Variants in PLXDC2 observed in about 807,000 individuals in gnomAD.
PLXDC2 encodes plexin domain containing 2, also known as plexin domain-containing protein 2.
In PLXDC2, 40 loss-of-function variants were observed where a neutral mutation model predicts 68.9. The ratio of observed to expected loss-of-function variants is 0.58; its 90% CI spans 0.45 to 0.76. The LOEUF is 0.76. PLXDC2 is among the 30% of genes least tolerant of loss of function. PLXDC2 has a pLI of 0.00. For synonymous variants in PLXDC2, 243 were observed against 234.2 expected, an observed-to-expected ratio of 1.04 and a Z score of -0.34; for missense variants, 644 against 661.9, an observed-to-expected ratio of 0.97 and a Z score of 0.30.
chr10:20,031,862 G>A (rs538798119), intron 2 of PLXDC2, among the ~76,000 whole-genome samples: 1 of 151,844 alleles, frequency 6.6e-6, no homozygotes, highest in Non-Finnish European at 1.5e-5. Flanking sequence ...GTCTCACTCT[G>A]TCACTCATGC....
chr10:20,051,082 G>A (rs1455253793), intron 3 of PLXDC2, among the ~76,000 whole-genome samples: 3 of 152,036 alleles, frequency 2.0e-5, no homozygotes, highest in African/African-American at 7.2e-5. Context: ...CATGTCTTTT[G>A]TGGGAACATG....
chr10:20,145,913 T>C (rs1834071009), intron 5 of PLXDC2, among the ~76,000 whole-genome samples: 1 of 152,152 alleles, frequency 6.6e-6, no homozygotes, highest in African/African-American at 2.4e-5. Context: ...TCCTCAGAAT[T>C]GGCATTAAAA....
At chr10:20,014,355 TTTCCTTCC>T (rs1176511314) in intron 2 of PLXDC2, among the ~76,000 whole-genome samples, 12 of 105,566 alleles carry the variant, frequency 1.1e-4, no homozygotes, top group African/African-American at 3.0e-4. Flanking sequence ...CCTCCTTCCC[TTTCCTTCC>T]TTCCTTCCTT....
At chr10:19,976,164 T>A in intron 1 of PLXDC2, among the ~76,000 whole-genome samples, 1 of 152,152 alleles carries the variant, frequency 6.6e-6, no homozygotes, top group East Asian at 1.9e-4. Flanking sequence ...CTAGTTTTCC[T>A]GTGTTATTGT....
chr10:20,222,405 G>GT (rs1253135992), intron 12 of PLXDC2, among the ~76,000 whole-genome samples: 1 of 152,210 alleles, frequency 6.6e-6, no homozygotes, highest in Admixed American at 6.5e-5. Context: ...AGGACCCAGA[G>GT]TTACAATCTG....
At chr10:20,199,862 G>C (rs777369819) in intron 9 of PLXDC2, among the ~76,000 whole-genome samples, 3 of 151,932 alleles carry the variant, frequency 2.0e-5, no homozygotes, top group Non-Finnish European at 2.9e-5. Flanking sequence ...TTATTCAACA[G>C]AGGATTCTGA....
intron 3 of PLXDC2, among the ~76,000 whole-genome samples, chr10:20,059,010 C>T (rs1313315976): frequency 6.6e-6 from 1 of 152,146 alleles, no homozygotes; most frequent in African/African-American, 2.4e-5. Flanking sequence ...AAGTGGGGCT[C>T]AGGAGGCAGT....
At chr10:19,829,242 T>C (rs1439488935) in intron 1 of PLXDC2, among the ~76,000 whole-genome samples, 1 of 146,542 alleles carries the variant, frequency 6.8e-6, no homozygotes, top group Non-Finnish European at 1.5e-5. Context: ...TGATCATCAA[T>C]AGTAATTACT....
chr10:20,147,145 A>G (rs1311365368), intron 5 of PLXDC2, among the ~76,000 whole-genome samples: 1 of 152,168 alleles, frequency 6.6e-6, no homozygotes, highest in Non-Finnish European at 1.5e-5. Context: ...GTGATTCAGA[A>G]TATAATATAC....
intron 1 of PLXDC2, among the ~76,000 whole-genome samples, chr10:19,827,048 G>A (rs1836586198): frequency 1.3e-5 from 2 of 152,200 alleles, no homozygotes; most frequent in South Asian, 4.1e-4. Context: ...TCTTGTGAAT[G>A]TGAGGGTAGG....
At chr10:19,819,599 A>G (rs968404679) in intron 1 of PLXDC2, among the ~76,000 whole-genome samples, 3 of 152,224 alleles carry the variant, frequency 2.0e-5, no homozygotes, top group Non-Finnish European at 2.9e-5. Flanking sequence ...ATTATGCGTT[A>G]CTTTAGTAAA....
At chr10:20,205,623 T>C (rs933798790) in intron 9 of PLXDC2, among the ~76,000 whole-genome samples, 1 of 152,100 alleles carries the variant, frequency 6.6e-6, no homozygotes, top group African/African-American at 2.4e-5. Flanking sequence ...GTCTATGAAG[T>C]GAAAACCTCA....
At position 20,211,657 on chromosome 10, in the gene PLXDC2, T is replaced by C; in HGVS notation, c.1062-12T>C. 6.2e-7 allele frequency: 1 copy of C among 1,612,906 alleles called. No individual in the cohort carries two copies. Among genetic ancestry groups the C allele is most frequent in the Non-Finnish European group, 8.5e-7 (1 of 1,179,226 alleles). Reference sequence around the variant, plus strand: ...CTTCCTTTTCTGAACTGCATTGTGGTCTTCTTTGAAGATGTTCCAGTGGAT... The same window carrying C: ...CTTCCTTTTCTGAACTGCATTGTGGCCTTCTTTGAAGATGTTCCAGTGGAT... On this transcript the variant is annotated splice_polypyrimidine_tract_variant and intron_variant, in intron 9 of 13. Coordinates refer to ENST00000377252, the MANE Select transcript of PLXDC2 (RefSeq NM_032812.9).
chr10:20,036,836 T>C (rs61320204), intron 2 of PLXDC2, among the ~76,000 whole-genome samples: 2,690 of 152,302 alleles, frequency 0.018, 75 homozygotes, highest in African/African-American at 0.061. Context: ...TCAACACATT[T>C]GTGAATTTCG....
chr10:20,196,926 C>T (rs555393633), intron 9 of PLXDC2, among the ~76,000 whole-genome samples: 12 of 152,152 alleles, frequency 7.9e-5, no homozygotes, highest in Non-Finnish European at 1.3e-4. Flanking sequence ...TGTTAATTCA[C>T]GGCTAGAGGC....
chr10:20,033,091 G>A (rs1256356259), intron 2 of PLXDC2, among the ~76,000 whole-genome samples: 10 of 151,112 alleles, frequency 6.6e-5, no homozygotes. Context: ...TAAATGATGA[G>A]TTAATGGGTG....
chr10:20,104,495 T>G (rs1833463472), intron 4 of PLXDC2, among the ~76,000 whole-genome samples: 1 of 152,210 alleles, frequency 6.6e-6, no homozygotes, highest in African/African-American at 2.4e-5. Flanking sequence ...ATACATATTT[T>G]TATAGGTTAT....
intron 9 of PLXDC2, among the ~76,000 whole-genome samples, chr10:20,200,048 G>T (rs1224917786): frequency 6.6e-6 from 1 of 151,796 alleles, no homozygotes; most frequent in Non-Finnish European, 1.5e-5. Flanking sequence ...GGTAGGAGAG[G>T]CTTTTCTGAG....
At chr10:20,009,573 G>A (rs1014493984) in intron 2 of PLXDC2, among the ~76,000 whole-genome samples, 6 of 151,766 alleles carry the variant, frequency 4.0e-5, no homozygotes, top group Non-Finnish European at 7.4e-5. Flanking sequence ...GAGAATGAAA[G>A]CATGTGAAAG....
Sources: gnomAD v4.1 joint callset for allele counts (sites outside exome capture counted in the v4.1 genomes callset) on GRCh38, gnomAD v4.1.1 for gene constraint, MANE v1.5 for transcripts, NCBI Gene and HGNC (gene_info 2026-07-23, HGNC 2026-07-21) for gene names.